C2orf80: variants seen among roughly 807,000 people sequenced by gnomAD.
The protein encoded by C2orf80 is chromosome 2 open reading frame 80, also known as uncharacterized protein C2orf80.
Under a neutral mutation model 30.2 loss-of-function variants are expected in C2orf80, and 28 were observed. The ratio of observed to expected loss-of-function variants is 0.93; its 90% CI spans 0.69 to 1.27. C2orf80 has a LOEUF of 1.27. C2orf80 is among the 50% of genes most tolerant of loss of function. C2orf80 has a pLI of 0.00. For missense variants in C2orf80, 220 were observed against 231.0 expected, an observed-to-expected ratio of 0.95 and a Z score of 0.31; for synonymous variants, 80 against 76.4, an observed-to-expected ratio of 1.05 and a Z score of -0.24.
In C2orf80 at chr2:208,165,532, T is replaced by C. The variant is rs1265358325; in HGVS notation, c.*275A>G. Reference sequence around the variant, plus strand: ...AATGTGCTACAAAGCCAGCTTGCTCTAACACAGAAATACTATATACTTTCT... The same window carrying C: ...AATGTGCTACAAAGCCAGCTTGCTCCAACACAGAAATACTATATACTTTCT... On this transcript the variant is annotated 3_prime_UTR_variant, in exon 9 of 9. Transcript: ENST00000341287. 2 of 348,622 alleles carry C rather than the reference T, an allele frequency of 5.7e-6. No individual in the cohort carries two copies. Among genetic ancestry groups the C allele is most frequent in the East Asian group, 1.0e-4 (2 of 20,022 alleles). 21.6% of individuals were successfully genotyped at this position (348,622 alleles called of 1,614,324 possible).
intron 6 of C2orf80, among the ~76,000 whole-genome samples, chr2:208,176,629 G>C (rs1232533027): frequency 6.6e-6 from 1 of 152,068 alleles, no homozygotes; most frequent in Non-Finnish European, 1.5e-5. Context: ...AGGTTACCAT[G>C]GGCCAAACAC....
intron 2 of C2orf80, among the ~76,000 whole-genome samples, chr2:208,185,694 T>C (rs6725512): frequency 0.27 from 40,686 of 152,064 alleles, 5,862 homozygotes; most frequent in African/African-American, 0.37. Context: ...AGGTTGATTT[T>C]GGCACATCTC....
At chr2:208,173,214 A>C (rs985927601) in intron 6 of C2orf80, among the ~76,000 whole-genome samples, 2 of 151,748 alleles carry the variant, frequency 1.3e-5, no homozygotes, top group African/African-American at 2.4e-5. Context: ...TACTGTATGT[A>C]GTGAAAAGAA....
intron 6 of C2orf80, among the ~76,000 whole-genome samples, chr2:208,180,506 A>G (rs1287679762): frequency 6.6e-6 from 1 of 151,720 alleles, no homozygotes; most frequent in Non-Finnish European, 1.5e-5. Flanking sequence ...CCTGGTACTC[A>G]TTGCTGCCCC....
intron 6 of C2orf80, among the ~76,000 whole-genome samples, chr2:208,174,142 C>T (rs1366733649): frequency 6.6e-6 from 1 of 151,888 alleles, no homozygotes; most frequent in African/African-American, 2.4e-5. Flanking sequence ...TTGGTATAGA[C>T]AGGTTTTTGC....
intron 8 of C2orf80, 125 bp from the exon 9 acceptor site, chr2:208,165,940 G>C (rs1185007568): frequency 5.2e-6 from 3 of 576,902 alleles, no homozygotes; most frequent in Non-Finnish European, 6.1e-6. Flanking sequence ...AGATAGATTA[G>C]ATTAATGTAA....
At chr2:208,169,367 G>T (rs112446076) in intron 8 of C2orf80, among the ~76,000 whole-genome samples, 1 of 150,376 alleles carries the variant, frequency 6.6e-6, no homozygotes, top group Admixed American at 6.6e-5. Flanking sequence ...TTCCAAACAC[G>T]TATAAAAAAT....
chr2:208,180,459 A>G (rs999539980), intron 6 of C2orf80, among the ~76,000 whole-genome samples: 1 of 151,878 alleles, frequency 6.6e-6, no homozygotes, highest in African/African-American at 2.4e-5. Flanking sequence ...CAAAAAAAAA[A>G]AACAAAACCA....
chr2:208,167,406 C>T (rs1211253920), intron 8 of C2orf80, among the ~76,000 whole-genome samples: 1 of 151,538 alleles, frequency 6.6e-6, no homozygotes, highest in Non-Finnish European at 1.5e-5. Context: ...CCTGTAATCC[C>T]AGCTACTCAG....
chr2:208,179,055 G>T (rs939827491), intron 6 of C2orf80, among the ~76,000 whole-genome samples: 2 of 152,166 alleles, frequency 1.3e-5, no homozygotes, highest in African/African-American at 4.8e-5. Flanking sequence ...CACTGCAAAC[G>T]GCCTGCAAAA....
At chr2:208,175,148 C>T (rs1180300209) in intron 6 of C2orf80, among the ~76,000 whole-genome samples, 1 of 150,168 alleles carries the variant, frequency 6.7e-6, no homozygotes, top group Admixed American at 6.7e-5. Flanking sequence ...TAGCCGTGCG[C>T]AGTGGCGCGC....
intron 6 of C2orf80, among the ~76,000 whole-genome samples, 176 bp from the exon 7 acceptor site, chr2:208,172,251 C>T (rs1262095340): frequency 7.2e-5 from 11 of 152,190 alleles, no homozygotes; most frequent in Admixed American, 1.3e-4. Flanking sequence ...AGTATATGAA[C>T]GTGAACTTGC....
Position 208,181,230 on chromosome 2 carries a change from A to T in C2orf80, c.282T>A (p.Ala94=). 2.5e-6 allele frequency: 4 copies of T among 1,602,674 alleles called. No individual in the cohort carries two copies. The highest frequency in any genetic ancestry group is 2.6e-6 in the Non-Finnish European group (3 of 1,169,754). ...EREAMILSSY[A]GILMNSIPIE... is the part of the protein sequence containing the mutation. ...TTCTTTTCCTTACCATTAAGATTCC[A>T]GCATAAGATGATAAAATCATAGCTT... Residue 94 remains alanine (A), a synonymous_variant, in exon 5 of 9, where the codon GCT becomes GCA. Transcript: ENST00000341287.
intron 7 of C2orf80, among the ~76,000 whole-genome samples, 190 bp downstream of exon 7, chr2:208,171,798 T>C (rs1696107778): frequency 6.6e-6 from 1 of 152,166 alleles, no homozygotes; most frequent in Admixed American, 6.5e-5. Flanking sequence ...CCAAAGCATC[T>C]GAGAAACAAG....
Position 208,172,010 on chromosome 2 carries a change from T to C in C2orf80, c.432A>G (p.Ala144=), listed in dbSNP as rs776502721. The C allele has an allele frequency of 1.9e-6, 3 of 1,613,940 alleles. No individual in the cohort carries two copies. The highest frequency in any genetic ancestry group is 1.7e-6 in the Non-Finnish European group (2 of 1,179,822). Residue 144 remains alanine, a synonymous_variant, in exon 7 of 9, where the codon GCA becomes GCG. Transcript: ENST00000341287. ...TACTCTGTTTGCGGGCGTATGCTGCTGCTTTGGGTGCTGTTAACATGGCAA... is the reference window on the plus strand; with the variant it reads ...TACTCTGTTTGCGGGCGTATGCTGCCGCTTTGGGTGCTGTTAACATGGCAA... ...HPFAMLTAPK[A]AAYARKQSVK...
At chr2:208,168,592 CG>C (rs1695983342) in intron 8 of C2orf80, 1 of 144,840 alleles carries the variant, frequency 6.9e-6, no homozygotes, top group African/African-American at 2.7e-5. Flanking sequence ...ACCCGGGAGG[CG>C]GAGCTTGCAG....
At chr2:208,175,434 G>T (rs1696256325) in intron 6 of C2orf80, among the ~76,000 whole-genome samples, 1 of 152,184 alleles carries the variant, frequency 6.6e-6, no homozygotes, top group Non-Finnish European at 1.5e-5. Flanking sequence ...GCAAAAAGCA[G>T]TTCCCTCTCA....
chr2:208,183,599 T>C (rs1696628548), intron 3 of C2orf80, among the ~76,000 whole-genome samples: 1 of 152,240 alleles, frequency 6.6e-6, no homozygotes, highest in Admixed American at 6.5e-5. Context: ...GTTTTATGTC[T>C]ACCTGGGGAG....
chr2:208,170,789 G>A (rs1316618593), intron 8 of C2orf80, among the ~76,000 whole-genome samples, 156 bp downstream of exon 8: 1 of 152,096 alleles, frequency 6.6e-6, no homozygotes, highest in Non-Finnish European at 1.5e-5. Context: ...GAGAGTTTAA[G>A]TATCTTGCCT....
Sources: gnomAD v4.1 joint callset for allele counts (sites outside exome capture counted in the v4.1 genomes callset) on GRCh38, gnomAD v4.1.1 for gene constraint, MANE v1.5 for transcripts, NCBI Gene and HGNC (gene_info 2026-07-23, HGNC 2026-07-21) for gene names.